Variants in KDM4B observed in about 807,000 individuals in gnomAD.
The protein encoded by KDM4B is lysine demethylase 4B.
Under a neutral mutation model 125.2 loss-of-function variants are expected in KDM4B, and 32 were observed. That is an observed-to-expected ratio of 0.26 (90% confidence interval 0.19 to 0.34). The LOEUF is 0.34. Among genes scored for constraint, KDM4B ranks in the 10% least tolerant of loss-of-function variants. The pLI is 1.00. For missense variants in KDM4B, 1,190 were observed against 1,577.7 expected (o/e 0.75, Z 4.16); for synonymous variants, 721 against 677.9 (o/e 1.06, Z -0.99).
At chr19:5,131,825 C>T (rs1341435483) in intron 12 of KDM4B, 62 bp from the exon 13 acceptor site, 35 of 1,608,092 alleles carry the variant, frequency 2.2e-5, no homozygotes, top group Admixed American at 5.0e-5. Context: ...TGTGTGGCTC[C>T]GAGGGAGCCC....
chr19:5,093,349 A>G (rs1335399019), intron 9 of KDM4B, among the ~76,000 whole-genome samples: 2 of 152,184 alleles, frequency 1.3e-5, no homozygotes, highest in Non-Finnish European at 1.5e-5. Context: ...GCGGAAGGCC[A>G]TGGAAGGCCC....
chr19:5,024,139 G>A (rs139431749), intron 2 of KDM4B, among the ~76,000 whole-genome samples: 4,099 of 152,224 alleles, frequency 0.027, 71 homozygotes, highest in Non-Finnish European at 0.04. Context: ...TGTCCCTTGC[G>A]CCCACACCCC....
intron 10 of KDM4B, among the ~76,000 whole-genome samples, chr19:5,118,526 C>G (rs1453347237): frequency 6.6e-6 from 1 of 152,134 alleles, no homozygotes; most frequent in Non-Finnish European, 1.5e-5. Context: ...AGGGGAGGCA[C>G]TAGTGACCAG....
chr19:4,995,414 G>T (rs1179877842), intron 1 of KDM4B, among the ~76,000 whole-genome samples: 1 of 152,022 alleles, frequency 6.6e-6, no homozygotes, highest in African/African-American at 2.4e-5. Flanking sequence ...GAGTAGCTGG[G>T]ATTACAGGCA....
chr19:5,085,563 GGGCTCCACGCT>G (rs2038463324), intron 9 of KDM4B, among the ~76,000 whole-genome samples: 1 of 152,228 alleles, frequency 6.6e-6, no homozygotes, highest in Admixed American at 6.5e-5. Context: ...GACTTAGATT[GGGCTCCACGCT>G]TCCATTGTCA....
intron 2 of KDM4B, among the ~76,000 whole-genome samples, chr19:5,020,469 A>G (rs2036079544): frequency 6.6e-6 from 1 of 152,254 alleles, no homozygotes; most frequent in African/African-American, 2.4e-5. Flanking sequence ...GCCCGTCTCC[A>G]CGGCGGCTGC....
chr19:5,031,884 C>T (rs1032378416), intron 2 of KDM4B, among the ~76,000 whole-genome samples: 1 of 152,196 alleles, frequency 6.6e-6, no homozygotes, highest in Non-Finnish European at 1.5e-5. Flanking sequence ...TGCCTTGTTT[C>T]CTTCACACTC....
rs2034268793 is a variant in KDM4B, at chr19:4,971,830, GA to G, written c.-109+2601del. On this transcript the variant is annotated intron_variant, in intron 1 of 22. Coordinates refer to ENST00000159111, the MANE Select transcript of KDM4B (RefSeq NM_015015.3). This position sits in a 1 kb window ranked among gnomAD's most constrained non-coding sequence, Gnocchi z 4.1. Reference sequence around the variant, plus strand: ...ATCGGGGAGCGGAATTGGGGGTTCAGAGCTGGGTGACCTTGACCCAGTCACT... The same window carrying G: ...ATCGGGGAGCGGAATTGGGGGTTCAGGCTGGGTGACCTTGACCCAGTCACT... 6.6e-6 allele frequency among the ~76,000 whole-genome samples: 1 copy of G among 152,110 alleles called. No individual in the cohort carries two copies. Among genetic ancestry groups the G allele is most frequent in the African/African-American group, 2.4e-5 (1 of 41,404 alleles).
chr19:5,030,814 G>A lies in KDM4B; in HGVS notation c.-25-2052G>A, dbSNP rs1006981531. On this transcript the variant is annotated intron_variant, in intron 2 of 22. Coordinates refer to ENST00000159111, the MANE Select transcript of KDM4B (RefSeq NM_015015.3). The stretch of plus-strand genomic sequence containing the variant: ...ATGCACAGAGCAGGGCCAGGGACCC[G>A]GGAAGTGCTGATGTGGGGACCACTG... Among the ~76,000 whole-genome samples the A allele has an allele frequency of 2.6e-5, 4 of 152,368 alleles. 1 individual carries two copies. The highest frequency in any genetic ancestry group is 1.9e-4 in the East Asian group (1 of 5,188).
Position 5,131,418 on chromosome 19 carries a change from A to C in KDM4B, c.1658A>C (p.His553Pro), listed in dbSNP as rs1333327155. The stretch of plus-strand genomic sequence containing the variant: ...GTGTCCTGCCAGCAGGCCTTTGAGC[A>C]CTTTGCCCAGAAGGGTCCGACCTGG... ...EHVSCQQAFE[H>P]FAQKGPTWKE... The change falls in exon 12 of 23, where the codon CAC becomes CCC. Residue 553 changes from histidine (H) to proline (P), a missense_variant. This residue lies in a region of KDM4B where 428 missense variants were observed against 405.1 expected (regional missense o/e 1.06). Coordinates refer to ENST00000159111, the MANE Select transcript of KDM4B (RefSeq NM_015015.3). 6.2e-7 allele frequency: 1 copy of C among 1,610,810 alleles called. No individual in the cohort carries two copies. The highest frequency in any genetic ancestry group is 2.2e-5 in the East Asian group (1 of 44,740).
At chr19:4,989,361 A>G (rs1300932581) in intron 1 of KDM4B, among the ~76,000 whole-genome samples, 1 of 152,012 alleles carries the variant, frequency 6.6e-6, no homozygotes, top group Non-Finnish European at 1.5e-5. Flanking sequence ...GTTTTGAGAC[A>G]GAGTCTTGCT....
At chr19:5,132,059 C>A in intron 13 of KDM4B, 52 bp downstream of exon 13, 1 of 1,515,090 alleles carries the variant, frequency 6.6e-7, no homozygotes. Context: ...CCGCGCTCTG[C>A]TGCTGCTGGA....
chr19:5,085,622 CCAGGGGTTCCAGG>C (rs2038465487), intron 9 of KDM4B, among the ~76,000 whole-genome samples: 1 of 152,228 alleles, frequency 6.6e-6, no homozygotes, highest in Admixed American at 6.5e-5. Flanking sequence ...TCGAAACACA[CCAGGGGTTCCAGG>C]CAGGCGCCCA....
intron 1 of KDM4B, among the ~76,000 whole-genome samples, chr19:4,985,697 G>C (rs895217305): frequency 6.6e-6 from 1 of 152,250 alleles, no homozygotes; most frequent in African/African-American, 2.4e-5. Flanking sequence ...TGCAGTGGAA[G>C]CCTGGATGGT....
intron 1 of KDM4B, among the ~76,000 whole-genome samples, chr19:4,995,019 C>T (rs2035154724): frequency 6.6e-6 from 1 of 152,156 alleles, no homozygotes; most frequent in Non-Finnish European, 1.5e-5. Flanking sequence ...CTTGGGTTTT[C>T]AAGGATGCTG....
chr19:5,024,456 G>A (rs1257339251), intron 2 of KDM4B, among the ~76,000 whole-genome samples: 2 of 152,094 alleles, frequency 1.3e-5, no homozygotes, highest in Non-Finnish European at 1.5e-5. Flanking sequence ...TGGAGCGTGC[G>A]GCCCTGCTCA....
At chr19:5,093,292 G>A (rs1381413142) in intron 9 of KDM4B, among the ~76,000 whole-genome samples, 3 of 152,170 alleles carry the variant, frequency 2.0e-5, no homozygotes, top group Non-Finnish European at 2.9e-5. Context: ...AGGGGACATC[G>A]GAGCCTCCCC....
intron 6 of KDM4B, among the ~76,000 whole-genome samples, chr19:5,055,433 C>T (rs1019275726): frequency 1.9e-4 from 29 of 152,252 alleles, no homozygotes; most frequent in African/African-American, 5.1e-4. Context: ...CCTCCAGAGC[C>T]GTGCCACTGA....
In KDM4B at chr19:5,144,412, G is replaced by T. The variant is rs561437293; in HGVS notation, c.2901G>T (p.Thr967=). ...YSDNLYPESI[T]SRDCVQLGPP... ...ACAACCTGTACCCTGAGAGCATCACGGTGAGCTGTGGGGTGGGGCAGGGGG... is the reference window on the plus strand; with the variant it reads ...ACAACCTGTACCCTGAGAGCATCACTGTGAGCTGTGGGGTGGGGCAGGGGG... Residue 967 remains threonine, a splice_region_variant and synonymous_variant, in exon 20 of 23, where the codon ACG becomes ACT. Transcript: ENST00000159111. 4.5e-6 allele frequency: 7 copies of T among 1,558,854 alleles called. No homozygotes were observed. In the South Asian group the frequency reaches 5.9e-5, roughly 13 times the overall value.
Sources: allele counts gnomAD v4.1 joint callset (sites outside exome capture counted in the v4.1 genomes callset), GRCh38; gene constraint gnomAD v4.1.1; regional missense constraint gnomAD v4.1.1; non-coding constraint Gnocchi (gnomAD v3.1); transcripts MANE v1.5; gene names NCBI Gene and HGNC (gene_info 2026-07-23, HGNC 2026-07-21).